RNF169: variants seen among roughly 807,000 people sequenced by gnomAD.
RNF169 encodes the protein ring finger protein 169.
A neutral mutation model predicts 53.9 loss-of-function variants in RNF169; 24 were observed. The observed-to-expected ratio is 0.45, with a 90% CI of 0.32 to 0.63. RNF169 has a LOEUF of 0.63. Among genes scored for constraint, RNF169 ranks in the 20% least tolerant of loss-of-function variants. RNF169 has a pLI of 0.04. For synonymous variants in RNF169, 396 were observed against 363.5 expected (o/e 1.09, Z -1.02); for missense variants, 883 against 906.2 (o/e 0.97, Z 0.33).
At position 74,835,801 on chromosome 11, in the gene RNF169, C is replaced by G. The variant is rs752668918; in HGVS notation, c.1198C>G (p.Arg400Gly). 6.2e-7 allele frequency: 1 copy of G among 1,614,202 alleles called. No individual in the cohort carries two copies. Residue 400 changes from arginine (R) to glycine (G), a missense_variant, in exon 6 of 6, where the codon CGT (arginine) becomes GGT (glycine). Coordinates refer to ENST00000299563, the MANE Select transcript of RNF169 (RefSeq NM_001098638.2). ...TCCTCCCAAGAGACTCCCTGATGGC[C>G]GTGTGCTAAGTCCTCTCATCATCAA... is the stretch of plus-strand genomic sequence containing the variant. Reference protein sequence around the residue: ...CTPPKRLPDGRVLSPLIIKST... With the variant: ...CTPPKRLPDGGVLSPLIIKST...
intron 1 of RNF169, among the ~76,000 whole-genome samples, chr11:74,783,831 C>G (rs1048932065): frequency 2.0e-5 from 3 of 152,162 alleles, no homozygotes; most frequent in Non-Finnish European, 4.4e-5. Context: ...TAAAGTCTCA[C>G]ATCAGCAGTA....
At chr11:74,772,476 T>G (rs868063358) in intron 1 of RNF169, among the ~76,000 whole-genome samples, 1 of 102,732 alleles carries the variant, frequency 9.7e-6, no homozygotes, top group Admixed American at 8.5e-5. Context: ...ATGCTGGTTT[T>G]TTTTTTTTTT....
At chr11:74,767,335 G>A (rs187426820) in intron 1 of RNF169, among the ~76,000 whole-genome samples, 2 of 151,958 alleles carry the variant, frequency 1.3e-5, no homozygotes, top group East Asian at 1.9e-4. Context: ...GCTTAAAAAA[G>A]CATTTGACAA....
At chr11:74,785,769 C>T (rs1454716450) in intron 1 of RNF169, among the ~76,000 whole-genome samples, 1 of 152,072 alleles carries the variant, frequency 6.6e-6, no homozygotes, top group Non-Finnish European at 1.5e-5. Context: ...TACCCCTGCA[C>T]ATCACCTTTT....
At chr11:74,794,680 G>T (rs1472284466) in intron 2 of RNF169, among the ~76,000 whole-genome samples, 1 of 152,180 alleles carries the variant, frequency 6.6e-6, no homozygotes, top group Non-Finnish European at 1.5e-5. Context: ...CTTCAGGAAT[G>T]ATCACTGGAG....
chr11:74,761,519 T>C (rs1398104984), intron 1 of RNF169, among the ~76,000 whole-genome samples: 2 of 150,874 alleles, frequency 1.3e-5, no homozygotes, highest in African/African-American at 4.9e-5. Context: ...GGTGACAAAA[T>C]CTCTCAGCAT....
At chr11:74,765,477 GA>G (rs1207839132) in intron 1 of RNF169, among the ~76,000 whole-genome samples, 1 of 151,938 alleles carries the variant, frequency 6.6e-6, no homozygotes, top group Non-Finnish European at 1.5e-5. Context: ...TTTGGAAATT[GA>G]AAAAAACAAA....
At chr11:74,822,197 A>G (rs1190008445) in intron 4 of RNF169, among the ~76,000 whole-genome samples, 1 of 152,134 alleles carries the variant, frequency 6.6e-6, no homozygotes. Context: ...TAGGTATGTA[A>G]GAGACAGAGA....
chr11:74,775,305 G>T (rs1398731756), intron 1 of RNF169, among the ~76,000 whole-genome samples: 2 of 152,050 alleles, frequency 1.3e-5, no homozygotes, highest in Non-Finnish European at 2.9e-5. Context: ...CTCCCATTCT[G>T]ATTACTTTGT....
At chr11:74,785,528 A>G (rs533226856) in intron 1 of RNF169, among the ~76,000 whole-genome samples, 25 of 151,842 alleles carry the variant, frequency 1.6e-4, no homozygotes, top group African/African-American at 6.0e-4. Flanking sequence ...GTTTAAGTTA[A>G]TATCACTTTG....
chr11:74,817,576 C>G lies in RNF169; in HGVS notation c.724-20C>G, dbSNP rs1320007873. The stretch of plus-strand genomic sequence containing the variant: ...GGGAACTCCAAATGGACAGTGTTGT[C>G]TCCCTTGTCTCCCTGCCAGTGTCCT... On this transcript the variant is annotated intron_variant, in intron 3 of 5. Transcript: ENST00000299563. 2 of 1,496,298 alleles carry G rather than the reference C, an allele frequency of 1.3e-6. No homozygotes were observed. The highest frequency in any genetic ancestry group is 2.3e-5 in the South Asian group (2 of 88,634). The allele number at this position is 1,496,298 out of a possible 1,614,324, so 92.7% of individuals were successfully genotyped here. A position where few individuals can be genotyped will look rare whatever the true frequency, so the allele number is the denominator to read the frequency against.
chr11:74,751,531 A>G (rs1232993718), intron 1 of RNF169, among the ~76,000 whole-genome samples: 1 of 152,234 alleles, frequency 6.6e-6, no homozygotes, highest in Admixed American at 6.5e-5. Flanking sequence ...TTGAACCATG[A>G]GAGGAAGTTT....
At position 74,817,697 on chromosome 11, in the gene RNF169, C is replaced by T. The variant is rs759537485; in HGVS notation, c.825C>T (p.Ser275=). Residue 275 remains serine (S), a synonymous_variant, in exon 4 of 6, where the codon TCC becomes TCT. Transcript: ENST00000299563. ...SAFVSKNNSY[S]LAFLAGKLNS... is the part of the protein sequence containing the mutation. ...TTGTTTCCAAGAACAACTCCTACTC[C>T]TTAGCTTTCCTGGCAGGGTAAGAGA... 4 of 1,609,066 alleles carry T rather than the reference C, an allele frequency of 2.5e-6. No individual in the cohort carries two copies. The highest frequency in any genetic ancestry group is 3.4e-6 in the Non-Finnish European group (4 of 1,175,490).
intron 1 of RNF169, among the ~76,000 whole-genome samples, chr11:74,786,012 C>T (rs2035496388): frequency 6.7e-6 from 1 of 149,614 alleles, no homozygotes; most frequent in South Asian, 2.1e-4. Flanking sequence ...ACGATCTCAG[C>T]TCACTGCAAG....
chr11:74,758,968 A>G (rs2035032500), intron 1 of RNF169, among the ~76,000 whole-genome samples: 2 of 149,552 alleles, frequency 1.3e-5, no homozygotes, highest in Admixed American at 1.3e-4. Flanking sequence ...ATTTGTTTGT[A>G]TCCTCTTTTA....
At chr11:74,750,674 T>C in intron 1 of RNF169, among the ~76,000 whole-genome samples, 1 of 128,836 alleles carries the variant, frequency 7.8e-6, no homozygotes, top group South Asian at 2.7e-4. Context: ...CTCCACTCAC[T>C]GCAGCCTCTG....
chr11:74,754,681 C>T (rs1410344982), intron 1 of RNF169, among the ~76,000 whole-genome samples: 2 of 152,098 alleles, frequency 1.3e-5, no homozygotes, highest in Admixed American at 6.5e-5. Context: ...ATTAGCCGGA[C>T]GTGGTGGTGC....
In RNF169 at chr11:74,836,879, T is replaced by C; in HGVS notation, c.*149T>C. Reference sequence around the variant, plus strand: ...GGTTCCAGGGCCTTTGTAGTCAATATCCAAGGGAAAAGCATCTCCGTTTCT... The same window carrying C: ...GGTTCCAGGGCCTTTGTAGTCAATACCCAAGGGAAAAGCATCTCCGTTTCT... On this transcript the variant is annotated 3_prime_UTR_variant, in exon 6 of 6. Transcript: ENST00000299563. 1 of 638,208 alleles carries C rather than the reference T, an allele frequency of 1.6e-6. No individual in the cohort carries two copies. The highest frequency in any genetic ancestry group is 4.3e-4 in the Middle Eastern group (1 of 2,314). 39.5% of individuals were successfully genotyped at this position (638,208 alleles called of 1,614,324 possible). A position where few individuals can be genotyped will look rare whatever the true frequency, so the allele number is the denominator to read the frequency against.
intron 4 of RNF169, among the ~76,000 whole-genome samples, chr11:74,818,495 T>G (rs1210107063): frequency 6.9e-6 from 1 of 145,066 alleles, no homozygotes; most frequent in Non-Finnish European, 1.5e-5. Flanking sequence ...TGAGCTCAGA[T>G]GATCCTCCCA....
Sources: allele counts gnomAD v4.1 joint callset (sites outside exome capture counted in the v4.1 genomes callset), GRCh38; gene constraint gnomAD v4.1.1; transcripts MANE v1.5; gene names NCBI Gene and HGNC (gene_info 2026-07-23, HGNC 2026-07-21).